The following RETREG1 variants were observed in gnomAD, a reference collection of about 807,000 sequenced individuals.
RETREG1 encodes the protein family with sequence similarity 134 member B.
A neutral mutation model predicts 54.8 loss-of-function variants in RETREG1; 44 were observed. The ratio of observed to expected loss-of-function variants is 0.80; its 90% CI spans 0.63 to 1.03. RETREG1 has a LOEUF of 1.03. RETREG1 is among the 50% of genes least tolerant of loss of function. RETREG1 has a pLI of 0.00. For missense variants in RETREG1, 554 were observed against 605.1 expected, an observed-to-expected ratio of 0.92 and a Z score of 0.89; for synonymous variants, 217 against 238.5, an observed-to-expected ratio of 0.91 and a Z score of 0.83.
intron 1 of RETREG1, among the ~76,000 whole-genome samples, chr5:16,590,487 CACAA>C (rs1233518681): frequency 1.3e-5 from 2 of 152,090 alleles, no homozygotes; most frequent in Admixed American, 1.3e-4. Context: ...CAGCAAATAG[CACAA>C]ACAAGTAGTA....
At chr5:16,519,109 TGATG>T (rs1223015398) in intron 3 of RETREG1, among the ~76,000 whole-genome samples, 1 of 152,150 alleles carries the variant, frequency 6.6e-6, no homozygotes, top group Non-Finnish European at 1.5e-5. Context: ...GTGTTGTAAA[TGATG>T]CCATCGATAA....
intron 1 of RETREG1, among the ~76,000 whole-genome samples, chr5:16,590,051 C>A (rs1742718783): frequency 6.6e-6 from 1 of 152,230 alleles, no homozygotes; most frequent in African/African-American, 2.4e-5. Flanking sequence ...GCAGCTGCCT[C>A]ATGGACGCCA....
In RETREG1 at chr5:16,478,767, TC is replaced by T. The variant is rs1294921363; in HGVS notation, c.808+82del. 3.1e-6 allele frequency: 4 copies of T among 1,299,982 alleles called. No homozygotes were observed. In the African/African-American group the frequency reaches 4.4e-5, roughly 14 times the overall value. 80.5% of individuals were successfully genotyped at this position (1,299,982 alleles called of 1,614,324 possible). On this transcript the variant is annotated intron_variant, in intron 6 of 8. Transcript: ENST00000306320. ...ATTTAGTAAAAAGCTAAAAGTATCCTCAAATGTATTAAAGAATTTCCTAAAA... is the reference window on the plus strand; with the variant it reads ...ATTTAGTAAAAAGCTAAAAGTATCCTAAATGTATTAAAGAATTTCCTAAAA...
intron 1 of RETREG1, among the ~76,000 whole-genome samples, chr5:16,587,652 AAAAG>A (rs1262339728): frequency 6.6e-6 from 1 of 152,182 alleles, no homozygotes; most frequent in Non-Finnish European, 1.5e-5. Flanking sequence ...CAGGGTCCCA[AAAAG>A]AAATTCAGAT....
intron 3 of RETREG1, among the ~76,000 whole-genome samples, chr5:16,516,492 T>G (rs916009692): frequency 1.3e-5 from 2 of 152,194 alleles, no homozygotes; most frequent in African/African-American, 4.8e-5. Context: ...CAGTTGAAAT[T>G]CCAAGAATCA....
intron 3 of RETREG1, among the ~76,000 whole-genome samples, chr5:16,531,337 C>T (rs1740908984): frequency 6.6e-6 from 1 of 152,184 alleles, no homozygotes; most frequent in South Asian, 2.1e-4. Context: ...CAGTTCTAGA[C>T]TCATCATAGA....
At chr5:16,522,757 CAGTTTGAG>C (rs1022984384) in intron 3 of RETREG1, among the ~76,000 whole-genome samples, 1 of 152,056 alleles carries the variant, frequency 6.6e-6, no homozygotes, top group African/African-American at 2.4e-5. Flanking sequence ...GTAATCCCAA[CAGTTTGAG>C]AGGCTAAGGT....
chr5:16,550,281 A>C (rs1741497555), intron 3 of RETREG1, among the ~76,000 whole-genome samples: 1 of 151,962 alleles, frequency 6.6e-6, no homozygotes, highest in Non-Finnish European at 1.5e-5. Context: ...AATTTAAAAA[A>C]AAAAAAGCGT....
chr5:16,532,770 G>A (rs1740951064), intron 3 of RETREG1, among the ~76,000 whole-genome samples: 1 of 152,088 alleles, frequency 6.6e-6, no homozygotes, highest in African/African-American at 2.4e-5. Flanking sequence ...TCCAATTCCT[G>A]TAACATAGCT....
intron 1 of RETREG1, among the ~76,000 whole-genome samples, chr5:16,577,037 GCACA>G (rs68174462): frequency 0.34 from 51,441 of 150,634 alleles, 10,076 homozygotes; most frequent in Non-Finnish European, 0.43. Flanking sequence ...TTGTGTGCAC[GCACA>G]CACACACACA....
In RETREG1 at chr5:16,474,986, T is replaced by A. The variant is rs780084870; in HGVS notation, c.1249A>T (p.Ile417Phe). ...HLMSNLAGDVITAAVTAAIKD... is the reference protein window; with the variant it reads ...HLMSNLAGDVFTAAVTAAIKD... ...ATAGCTGCAGTCACTGCAGCTGTGA[T>A]AACATCCCCAGCCAGGTTGCTCATC... Residue 417 changes from isoleucine (I) to phenylalanine (F), a missense_variant, in exon 9 of 9, where the codon ATC (isoleucine) becomes TTC (phenylalanine). Physicochemically the swap from Ile to Phe is conservative, Grantham distance 21. Around this residue, in one of 4 missense-constraint regions of RETREG1, gnomAD observed 347 missense variants for 412.3 expected, o/e 0.84. Transcript: ENST00000306320. 2.0e-5 allele frequency: 33 copies of A among 1,613,528 alleles called. No individual in the cohort carries two copies. Among genetic ancestry groups the A allele is most frequent in the Non-Finnish European group, 2.7e-5 (32 of 1,179,586 alleles).
intron 3 of RETREG1, among the ~76,000 whole-genome samples, chr5:16,550,737 T>C (rs531499261): frequency 1.3e-5 from 2 of 152,340 alleles, no homozygotes; most frequent in East Asian, 1.9e-4. Flanking sequence ...GTCCGTCAAC[T>C]GATGACAAAG....
chr5:16,496,169 C>T (rs1739448604), intron 3 of RETREG1, among the ~76,000 whole-genome samples: 1 of 152,168 alleles, frequency 6.6e-6, no homozygotes, highest in Admixed American at 6.5e-5. Flanking sequence ...CTCTCCAATG[C>T]ATTTGACTTA....
At position 16,474,925 on chromosome 5, in the gene RETREG1, G is replaced by A; in HGVS notation, c.1310C>T (p.Ser437Phe). The A allele has an allele frequency of 1.2e-6, 2 of 1,613,866 alleles. No homozygotes were observed. The highest frequency in any genetic ancestry group is 1.7e-6 in the Non-Finnish European group (2 of 1,179,914). Residue 437 changes from serine to phenylalanine, a missense_variant, in exon 9 of 9, where the codon TCT (serine) becomes TTT (phenylalanine). Physicochemically the swap from Ser to Phe is radical, Grantham distance 155. Transcript: ENST00000306320. Reference protein sequence around the residue: ...DQLEGVQQALSQAAPIPEEDT... With the variant: ...DQLEGVQQALFQAAPIPEEDT... ...CTCTTCTGGGATGGGGGCAGCCTGA[G>A]AAAGTGCTTGCTGCACACCCTCTAA...
intron 3 of RETREG1, among the ~76,000 whole-genome samples, chr5:16,550,858 T>G (rs1006964897): frequency 6.6e-6 from 1 of 152,244 alleles, no homozygotes; most frequent in African/African-American, 2.4e-5. Flanking sequence ...CTAATTCATA[T>G]GTTGCATGAT....
At chr5:16,612,337 T>TA (rs140077128) in intron 1 of RETREG1, among the ~76,000 whole-genome samples, 1,748 of 151,728 alleles carry the variant, frequency 0.012, 35 homozygotes, top group African/African-American at 0.039. Context: ...AGTTGATATT[T>TA]AAAAAAAAAC....
rs747031648 is a variant in RETREG1 at position 16,616,755 on chromosome 5, C to G, written c.217G>C (p.Gly73Arg). The change falls in exon 1 of 9, where the codon GGG becomes CGG. Residue 73 changes from glycine to arginine, a missense_variant. Physicochemically the swap from Gly to Arg is moderately radical, Grantham distance 125. This residue lies in a region of RETREG1 where 175 missense variants were observed against 142.1 expected (regional missense o/e 1.23). Transcript: ENST00000306320. ...CAGCCCAGCCACAGCACCGGCTCCC[C>G]GAGCAGCCAGGTTACCGCGGCCGCC... ...RAAAAVTWLLGEPVLWLGCRA... is the reference protein window; with the variant it reads ...RAAAAVTWLLREPVLWLGCRA... The G allele has an allele frequency of 1.5e-5, 24 of 1,565,950 alleles. 1 individual carries two copies. The highest frequency in any genetic ancestry group is 1.4e-4 in the South Asian group (12 of 86,954).
At chr5:16,483,186 TCA>T (rs1738878349) in intron 4 of RETREG1, 158 bp downstream of exon 4, 1 of 769,056 alleles carries the variant, frequency 1.3e-6, no homozygotes, top group Non-Finnish European at 2.2e-6. Context: ...GTTCGCACAC[TCA>T]CACATCTGAA....
intron 3 of RETREG1, among the ~76,000 whole-genome samples, chr5:16,537,621 C>T (rs557649556): frequency 2.7e-4 from 41 of 152,300 alleles, no homozygotes; most frequent in African/African-American, 9.9e-4. Flanking sequence ...TCGCTTGAAG[C>T]CAGGAGGCAG....
Sources: allele counts gnomAD v4.1 joint callset (sites outside exome capture counted in the v4.1 genomes callset), GRCh38; gene constraint gnomAD v4.1.1; regional missense constraint gnomAD v4.1.1; transcripts MANE v1.5; gene names NCBI Gene and HGNC (gene_info 2026-07-23, HGNC 2026-07-21).